Variants in RUNDC3B observed in about 807,000 individuals in gnomAD.
RUNDC3B encodes the protein RUN domain-containing protein 3B.
RUNDC3B carries 33 observed loss-of-function variants against 58.4 expected under a neutral mutation model. The observed-to-expected ratio is 0.56, with a 90% CI of 0.43 to 0.75. RUNDC3B has a LOEUF of 0.75. Among genes scored for constraint, RUNDC3B ranks in the 30% least tolerant of loss-of-function variants. RUNDC3B has a pLI of 0.00. For synonymous variants in RUNDC3B, 193 were observed against 195.2 expected (o/e 0.99, Z 0.10); for missense variants, 501 against 535.7 (o/e 0.94, Z 0.64).
intron 6 of RUNDC3B, among the ~76,000 whole-genome samples, chr7:87,742,652 TTTTA>T (rs1402717174): frequency 6.6e-6 from 1 of 152,076 alleles, no homozygotes; most frequent in Non-Finnish European, 1.5e-5. Flanking sequence ...GAAAATGAGC[TTTTA>T]TTTGTCTATA....
intron 8 of RUNDC3B, among the ~76,000 whole-genome samples, chr7:87,779,849 A>T (rs1040394168): frequency 4.0e-5 from 6 of 150,838 alleles, no homozygotes; most frequent in African/African-American, 1.5e-4. Context: ...TGTACCGATT[A>T]TTTAACTACC....
chr7:87,785,405 C>G (rs1835158093), intron 8 of RUNDC3B, among the ~76,000 whole-genome samples: 1 of 152,140 alleles, frequency 6.6e-6, no homozygotes, highest in South Asian at 2.1e-4. Flanking sequence ...AGAGCTGTAA[C>G]CACAGATCCC....
At chr7:87,701,711 C>T (rs1829053659) in intron 3 of RUNDC3B, among the ~76,000 whole-genome samples, 1 of 152,080 alleles carries the variant, frequency 6.6e-6, no homozygotes, top group Admixed American at 6.5e-5. Context: ...TAAAAGATTC[C>T]CTTTCCAACC....
chr7:87,711,225 C>T (rs893680612), intron 4 of RUNDC3B, among the ~76,000 whole-genome samples: 5 of 151,726 alleles, frequency 3.3e-5, no homozygotes, highest in East Asian at 1.9e-4. Flanking sequence ...ACTCGGGAGG[C>T]GGAGGTAGGA....
Position 87,807,356 on chromosome 7 carries a change from C to A in RUNDC3B, c.957-17C>A. The A allele has an allele frequency of 1.2e-6, 2 of 1,612,372 alleles. No individual in the cohort carries two copies. The highest frequency in any genetic ancestry group is 8.5e-7 in the Non-Finnish European group (1 of 1,178,962). Reference sequence around the variant, plus strand: ...GAACAGTGAAGACAAAAGCACTCACCATCTTAATATTCACAGGACTGTGCT... The same window carrying A: ...GAACAGTGAAGACAAAAGCACTCACAATCTTAATATTCACAGGACTGTGCT... On this transcript the variant is annotated splice_polypyrimidine_tract_variant and intron_variant, in intron 8 of 10. Coordinates refer to ENST00000394654, the MANE Select transcript of RUNDC3B (RefSeq NM_001134405.2).
intron 2 of RUNDC3B, among the ~76,000 whole-genome samples, chr7:87,675,599 G>A (rs1306639071): frequency 6.9e-6 from 1 of 144,174 alleles, no homozygotes; most frequent in African/African-American, 2.6e-5. Flanking sequence ...GTACACAATA[G>A]GGAAAGGATA....
At chr7:87,807,556 T>G (rs1459398654) in intron 9 of RUNDC3B, 37 bp downstream of exon 9, 3 of 1,492,086 alleles carry the variant, frequency 2.0e-6, no homozygotes, top group Non-Finnish European at 2.8e-6. Context: ...TAATTAATAG[T>G]TAGTTGTACC....
At chr7:87,807,293 G>T in intron 8 of RUNDC3B, 80 bp from the exon 9 acceptor site, 1 of 1,348,172 alleles carries the variant, frequency 7.4e-7, no homozygotes, top group East Asian at 2.3e-5. Flanking sequence ...AAATTTTGGG[G>T]GCCTAAATTG....
At chr7:87,771,651 A>G (rs948511193) in intron 7 of RUNDC3B, among the ~76,000 whole-genome samples, 6 of 152,190 alleles carry the variant, frequency 3.9e-5, no homozygotes, top group African/African-American at 1.2e-4. Context: ...GAATATGTGC[A>G]TATATTAGAG....
rs193049358 is a variant in RUNDC3B, at chr7:87,789,610, A to T, written c.956+11655A>T. Among the ~76,000 whole-genome samples, 155 of 152,318 alleles carry T rather than the reference A, an allele frequency of 1.0e-3. 2 individuals carry two copies. In the East Asian group the frequency reaches 0.019, roughly 19 times the overall value. On this transcript the variant is annotated intron_variant, in intron 8 of 10. Coordinates refer to ENST00000394654, the MANE Select transcript of RUNDC3B (RefSeq NM_001134405.2). ...ATTCTAATTAAAATTTAAAATTAAA[A>T]TCATGTTAATATGTATTATATAATC... is the stretch of plus-strand genomic sequence containing the variant.
In RUNDC3B at chr7:87,832,109, G is replaced by GT. The variant is rs1838157828; in HGVS notation, c.*2082dup. The GT allele has an allele frequency of 6.6e-6, 1 of 151,850 alleles. No homozygotes were observed. The highest frequency in any genetic ancestry group is 2.1e-4 in the South Asian group (1 of 4,822). 9.4% of individuals were successfully genotyped at this position (151,850 alleles called of 1,614,324 possible). ...CAGAGTTCGTTTCACACTAAAGGTA[G>GT]TTTGTTACTGTTTGCATGAGGAAAC... On this transcript the variant is annotated 3_prime_UTR_variant, in exon 11 of 11. Coordinates refer to ENST00000394654, the MANE Select transcript of RUNDC3B (RefSeq NM_001134405.2).
intron 4 of RUNDC3B, among the ~76,000 whole-genome samples, chr7:87,723,603 T>G (rs759018859): frequency 2.0e-5 from 3 of 152,162 alleles, no homozygotes; most frequent in Non-Finnish European, 2.9e-5. Context: ...AGTTATTAGT[T>G]TAATTATTAA....
At chr7:87,651,744 C>T (rs1036889996) in intron 2 of RUNDC3B, among the ~76,000 whole-genome samples, 1 of 151,980 alleles carries the variant, frequency 6.6e-6, no homozygotes, top group Non-Finnish European at 1.5e-5. Flanking sequence ...CTATTCTGTA[C>T]TTTTTGATGC....
chr7:87,804,013 C>T (rs1264163595), intron 8 of RUNDC3B, among the ~76,000 whole-genome samples: 1 of 151,980 alleles, frequency 6.6e-6, no homozygotes, highest in Non-Finnish European at 1.5e-5. Flanking sequence ...TCCCAAGTAG[C>T]TTATAATCAA....
At chr7:87,707,186 A>C (rs1031566706) in intron 3 of RUNDC3B, among the ~76,000 whole-genome samples, 14 of 152,198 alleles carry the variant, frequency 9.2e-5, no homozygotes, top group Non-Finnish European at 2.1e-4. Context: ...TCTAGTATAC[A>C]GTAAAAAATC....
intron 6 of RUNDC3B, among the ~76,000 whole-genome samples, chr7:87,742,575 AATAGATAGATAG>A (rs3028187): frequency 2.3e-3 from 344 of 147,854 alleles, no homozygotes; most frequent in South Asian, 5.5e-3. Flanking sequence ...ATCATAGATA[AATAGATAGATAG>A]ATAGATAGAT....
chr7:87,702,016 A>G (rs946690788), intron 3 of RUNDC3B, among the ~76,000 whole-genome samples: 9 of 151,474 alleles, frequency 5.9e-5, no homozygotes, highest in Non-Finnish European at 1.3e-4. Context: ...GGTGGTGGGC[A>G]CCTGTAATCC....
At chr7:87,818,563 T>A (rs2130955178) in intron 10 of RUNDC3B, among the ~76,000 whole-genome samples, 1 of 152,226 alleles carries the variant, frequency 6.6e-6, no homozygotes, top group Non-Finnish European at 1.5e-5. Context: ...TATACAAATA[T>A]AATAAGAGAA....
chr7:87,824,817 A>G (rs1018019082), intron 10 of RUNDC3B, among the ~76,000 whole-genome samples: 3 of 152,208 alleles, frequency 2.0e-5, no homozygotes, highest in African/African-American at 7.2e-5. Context: ...TTTAGCAAAG[A>G]GACTGGCAGC....
Sources: allele counts gnomAD v4.1 joint callset (sites outside exome capture counted in the v4.1 genomes callset), GRCh38; gene constraint gnomAD v4.1.1; transcripts MANE v1.5; gene names NCBI Gene and HGNC (gene_info 2026-07-23, HGNC 2026-07-21).